EDA: variants seen among roughly 807,000 people sequenced by gnomAD.
The protein encoded by EDA is ectodysplasin-A.
In EDA, 2 loss-of-function variants were observed where a neutral mutation model predicts 23.6. The observed-to-expected ratio is 0.08, with a 90% confidence interval of 0.03 to 0.27. The LOEUF (loss-of-function observed/expected upper bound fraction) is 0.27. Among genes scored for constraint, EDA ranks in the 10% least tolerant of loss-of-function variants. The pLI, the probability that EDA is intolerant of heterozygous loss-of-function variation, is 1.00. For synonymous variants in EDA, 131 were observed against 132.0 expected (o/e 0.99, Z 0.05); for missense variants, 229 against 324.2 (o/e 0.71, Z 2.26).
At chrX:69,700,185 T>G (rs1048296335) in intron 1 of EDA, among the ~76,000 whole-genome samples, 1 of 110,607 alleles carries the variant, frequency 9.0e-6, no homozygotes, top group African/African-American at 3.3e-5. Flanking sequence ...GAGCAGATCA[T>G]TAACATATTG....
At chrX:69,995,813 C>T (rs1301179916) in intron 2 of EDA, among the ~76,000 whole-genome samples, 1 of 112,164 alleles carries the variant, frequency 8.9e-6, no homozygotes, top group Non-Finnish European at 1.9e-5. Context: ...AACCTCACTC[C>T]GTACTTCCAG....
At chrX:69,816,989 A>T (rs2016095398) in intron 1 of EDA, among the ~76,000 whole-genome samples, 1 of 111,698 alleles carries the variant, frequency 9.0e-6, no homozygotes, top group South Asian at 3.8e-4. Context: ...CTACAAAGGG[A>T]AACCCATCAT....
intron 1 of EDA, among the ~76,000 whole-genome samples, chrX:69,807,043 AT>A (rs1384261884): frequency 1.8e-4 from 20 of 111,054 alleles, no homozygotes; most frequent in Non-Finnish European, 3.4e-4. Context: ...TTACCCAGTG[AT>A]TTTACAAAGA....
chrX:69,826,751 G>A (rs1219845595), intron 1 of EDA, among the ~76,000 whole-genome samples: 6 of 108,253 alleles, frequency 5.5e-5, no homozygotes, highest in African/African-American at 2.0e-4. Context: ...TATGATGTTA[G>A]CTGGTGATTT....
intron 2 of EDA, among the ~76,000 whole-genome samples, chrX:69,989,019 C>T (rs2147463239): frequency 9.0e-6 from 1 of 111,700 alleles, no homozygotes; most frequent in African/African-American, 3.3e-5. Context: ...AGGCTAGTCA[C>T]CACTCCTATT....
At chrX:69,869,311 A>G (rs749413027) in intron 1 of EDA, among the ~76,000 whole-genome samples, 1 of 110,822 alleles carries the variant, frequency 9.0e-6, no homozygotes, top group South Asian at 3.9e-4. Context: ...ATAAGCCCCT[A>G]CTTGACGTTT....
At chrX:69,861,564 T>A (rs751073044) in intron 1 of EDA, among the ~76,000 whole-genome samples, 1 of 111,539 alleles carries the variant, frequency 9.0e-6, no homozygotes, top group South Asian at 3.7e-4. Context: ...TAGATGTAAA[T>A]GGACTAAATT....
chrX:69,616,878 C>T (rs1465638332), intron 1 of EDA, 174 bp downstream of exon 1: 3 of 625,519 alleles, frequency 4.8e-6, no homozygotes, highest in African/African-American at 4.5e-5. Flanking sequence ...TCTTCGGTCC[C>T]TGGCCCAGCT....
chrX:69,725,044 A>T (rs1317079783), intron 1 of EDA, among the ~76,000 whole-genome samples: 2 of 112,193 alleles, frequency 1.8e-5, no homozygotes, highest in African/African-American at 6.5e-5. Context: ...TAATCTTTGT[A>T]TGCATTATAA....
At chrX:69,878,120 C>G in intron 1 of EDA, among the ~76,000 whole-genome samples, 1 of 111,848 alleles carries the variant, frequency 8.9e-6, no homozygotes, top group Middle Eastern at 4.7e-3. Flanking sequence ...ATTAAACAAA[C>G]CTGGAATCAA....
chrX:70,026,712 C>T (rs991376357), intron 3 of EDA, among the ~76,000 whole-genome samples: 5 of 111,409 alleles, frequency 4.5e-5, no homozygotes, highest in African/African-American at 1.6e-4. Context: ...ATGGAGTTTG[C>T]AGAATTTCCT....
intron 1 of EDA, among the ~76,000 whole-genome samples, chrX:69,790,899 A>G (rs901555381): frequency 1.2e-4 from 13 of 110,723 alleles, no homozygotes; most frequent in African/African-American, 4.3e-4. Context: ...CTTTTCACAC[A>G]TATACCCCTC....
At chrX:69,756,471 A>G (rs1163166782) in intron 1 of EDA, among the ~76,000 whole-genome samples, 2 of 111,711 alleles carry the variant, frequency 1.8e-5, no homozygotes, top group Admixed American at 1.9e-4. Flanking sequence ...TGTGGAGTAG[A>G]GCAGAATTAA....
At chrX:70,033,651 G>T (rs1478954473) in intron 7 of EDA, 123 bp downstream of exon 7, 2 of 861,594 alleles carry the variant, frequency 2.3e-6, no homozygotes, top group Non-Finnish European at 3.3e-6. Context: ...TTGGGTGAGG[G>T]GGTGGGGGGA....
At chrX:69,842,715 T>C (rs2016920736) in intron 1 of EDA, among the ~76,000 whole-genome samples, 1 of 111,940 alleles carries the variant, frequency 8.9e-6, no homozygotes, top group South Asian at 3.8e-4. Context: ...AGGTGATTTG[T>C]TCATGGGGAT....
Position 70,037,870 on chromosome X carries a change from TGGA to T in EDA, c.*2263_*2265del, listed in dbSNP as rs764591837. On this transcript the variant is annotated 3_prime_UTR_variant, in exon 8 of 8. Coordinates refer to ENST00000374552, the MANE Select transcript of EDA (RefSeq NM_001399.5). ...CAGAAGAATCTTCCTGGCACAATGT[TGGA>T]GCAGCAGGCCTCTGGGACCCACAGA... 1 of 111,919 alleles carries T rather than the reference TGGA, an allele frequency of 8.9e-6. No individual in the cohort carries two copies. The highest frequency in any genetic ancestry group is 9.5e-5 in the Admixed American group (1 of 10,570). The allele number at this position is 111,919 out of a possible 1,213,427, so 9.2% of individuals were successfully genotyped here. A position where few individuals can be genotyped will look rare whatever the true frequency, so the allele number is the denominator to read the frequency against.
intron 1 of EDA, among the ~76,000 whole-genome samples, chrX:69,903,932 T>C (rs1345443764): frequency 9.1e-6 from 1 of 110,266 alleles, no homozygotes. Flanking sequence ...TGCCTCAGTC[T>C]CCCGAGTAGC....
intron 1 of EDA, among the ~76,000 whole-genome samples, chrX:69,785,404 A>G (rs1240813297): frequency 5.6e-5 from 5 of 88,780 alleles, no homozygotes; most frequent in Non-Finnish European, 1.2e-4. Context: ...GTTTTTGCCC[A>G]TTCAGTTTGA....
chrX:69,782,454 C>A (rs1351205228), intron 1 of EDA, among the ~76,000 whole-genome samples: 1 of 108,684 alleles, frequency 9.2e-6, no homozygotes, highest in Non-Finnish European at 1.9e-5. Flanking sequence ...GAGCCTTGCC[C>A]AGAATTTATT....
Sources: gnomAD v4.1 joint callset for allele counts (sites outside exome capture counted in the v4.1 genomes callset) on GRCh38, gnomAD v4.1.1 for gene constraint, MANE v1.5 for transcripts, NCBI Gene and HGNC (gene_info 2026-07-23, HGNC 2026-07-21) for gene names.